The following TRPS1 variants were observed in gnomAD, a reference collection of about 807,000 sequenced individuals.
TRPS1 encodes transcriptional repressor GATA binding 1.
A neutral mutation model predicts 101.2 loss-of-function variants in TRPS1; 6 were observed. That is an observed-to-expected ratio of 0.06 (90% CI 0.03 to 0.12). The LOEUF (loss-of-function observed/expected upper bound fraction) is 0.12, where lower values mean the gene tolerates loss of function less well. Among genes scored for constraint, TRPS1 ranks in the 10% least tolerant of loss-of-function variants. The pLI, the probability that TRPS1 is intolerant of heterozygous loss-of-function variation, is 1.00. For synonymous variants in TRPS1, 578 were observed against 589.8 expected (o/e 0.98, Z 0.29); for missense variants, 1,363 against 1,567.0 (o/e 0.87, Z 2.20).
intron 3 of TRPS1, among the ~76,000 whole-genome samples, chr8:115,612,178 G>C (rs1818185069): frequency 6.6e-6 from 1 of 150,668 alleles, no homozygotes; most frequent in Non-Finnish European, 1.5e-5. Context: ...AAGAGAGGAG[G>C]AAGAAGAAGG....
In TRPS1 at chr8:115,495,180, C is replaced by T. The variant is rs561541094; in HGVS notation, c.2701-76728G>A. On this transcript the variant is annotated intron_variant, in intron 5 of 6. Coordinates refer to ENST00000395715, the MANE Select transcript of TRPS1 (RefSeq NM_014112.5). ...AAGGAAGCAAAATAAACAGAAGTAG[C>T]GGTAGAACAAAATCTTTAAAGCTAA... Among the ~76,000 whole-genome samples, 8 of 152,188 alleles carry T rather than the reference C, an allele frequency of 5.3e-5. No homozygotes were observed. The South Asian group carries it at 1.0e-3, about 20-fold the overall frequency.
intron 5 of TRPS1, among the ~76,000 whole-genome samples, chr8:115,548,065 A>C (rs1412847516): frequency 6.7e-6 from 1 of 150,318 alleles, no homozygotes; most frequent in Non-Finnish European, 1.5e-5. Context: ...CACCATCTCT[A>C]CATAAAAAAA....
chr8:115,635,894 G>A (rs1282337567), intron 1 of TRPS1, among the ~76,000 whole-genome samples: 1 of 152,142 alleles, frequency 6.6e-6, no homozygotes, highest in Non-Finnish European at 1.5e-5. Flanking sequence ...GAAAACATTA[G>A]ATAATAATGT....
In TRPS1 at chr8:115,530,134, G is replaced by A. The variant is rs781149401; in HGVS notation, c.2700+56867C>T. Among the ~76,000 whole-genome samples the A allele has an allele frequency of 2.3e-4, 35 of 151,968 alleles. 1 individual carries two copies. Among genetic ancestry groups the A allele is most frequent in the Non-Finnish European group, 2.8e-4 (19 of 67,980 alleles). ...TTCTAATAAATCTCATAAACTGACC[G>A]TGTTGTGTCATTATTCTTTGAAGGC... On this transcript the variant is annotated intron_variant, in intron 5 of 6. Coordinates refer to ENST00000395715, the MANE Select transcript of TRPS1 (RefSeq NM_014112.5).
rs1812726324 is a variant in TRPS1 at position 115,409,246 on chromosome 8, C to T, written c.*4777G>A. ...CACAAAAAGAAAAAGTGATATGCTG[C>T]AGTTTATATGTTGGGAAAAAAAAAA... is the stretch of plus-strand genomic sequence containing the variant. On this transcript the variant is annotated 3_prime_UTR_variant, in exon 7 of 7. Coordinates refer to ENST00000395715, the MANE Select transcript of TRPS1 (RefSeq NM_014112.5). 1.3e-5 allele frequency: 1 copy of T among 78,436 alleles called. No individual in the cohort carries two copies. The highest frequency in any genetic ancestry group is 5.6e-5 in the African/African-American group (1 of 17,964). 4.9% of individuals were successfully genotyped at this position (78,436 alleles called of 1,614,324 possible).
chr8:115,509,946 A>G (rs1044288458), intron 5 of TRPS1, among the ~76,000 whole-genome samples: 4 of 152,096 alleles, frequency 2.6e-5, no homozygotes, highest in Admixed American at 2.6e-4. Flanking sequence ...TTTCCTGCCA[A>G]TATTGCAGTA....
At chr8:115,424,225 T>C (rs1813137155) in intron 5 of TRPS1, among the ~76,000 whole-genome samples, 1 of 152,226 alleles carries the variant, frequency 6.6e-6, no homozygotes, top group Non-Finnish European at 1.5e-5. Context: ...TTATATAATG[T>C]TAGTATGAAT....
chr8:115,456,016 C>T (rs190920739), intron 5 of TRPS1, among the ~76,000 whole-genome samples: 3 of 151,972 alleles, frequency 2.0e-5, no homozygotes, highest in Non-Finnish European at 2.9e-5. Flanking sequence ...GATCTCCTGA[C>T]CTCATGATCC....
At chr8:115,453,089 T>A (rs945219535) in intron 5 of TRPS1, among the ~76,000 whole-genome samples, 10 of 151,972 alleles carry the variant, frequency 6.6e-5, no homozygotes, top group Non-Finnish European at 1.3e-4. Flanking sequence ...TGGCGCGATC[T>A]CGGCTCACTG....
intron 5 of TRPS1, among the ~76,000 whole-genome samples, chr8:115,581,371 T>C (rs4599845): frequency 0.58 from 88,653 of 151,866 alleles, 26,332 homozygotes; most frequent in East Asian, 0.83. Flanking sequence ...TACTTAACAG[T>C]AGTATGTAGT....
At chr8:115,514,165 A>G (rs554236861) in intron 5 of TRPS1, among the ~76,000 whole-genome samples, 2 of 151,656 alleles carry the variant, frequency 1.3e-5, no homozygotes, top group Admixed American at 6.6e-5. Flanking sequence ...TCTCTAAGAT[A>G]CTCTCTTGTT....
intron 5 of TRPS1, among the ~76,000 whole-genome samples, chr8:115,542,816 T>C (rs1816484946): frequency 6.6e-6 from 1 of 152,172 alleles, no homozygotes; most frequent in Admixed American, 6.6e-5. Flanking sequence ...CTAACTATTA[T>C]TATTATGAGA....
At chr8:115,620,434 A>G (rs1426266007) in intron 2 of TRPS1, among the ~76,000 whole-genome samples, 1 of 151,962 alleles carries the variant, frequency 6.6e-6, no homozygotes, top group Non-Finnish European at 1.5e-5. Context: ...ATATTTATAT[A>G]TGGTCTATAT....
intron 5 of TRPS1, among the ~76,000 whole-genome samples, chr8:115,515,565 T>C (rs535538740): frequency 7.7e-6 from 1 of 130,138 alleles, no homozygotes; most frequent in South Asian, 2.7e-4. Flanking sequence ...TGACTAAGTA[T>C]TTCATGTTGA....
At chr8:115,601,093 C>T (rs1262191774) in intron 4 of TRPS1, among the ~76,000 whole-genome samples, 3 of 152,100 alleles carry the variant, frequency 2.0e-5, no homozygotes, top group Non-Finnish European at 2.9e-5. Context: ...AACTCTTCTG[C>T]TTCTCAGCTA....
chr8:115,500,160 G>A (rs564708408), intron 5 of TRPS1, among the ~76,000 whole-genome samples: 6 of 151,892 alleles, frequency 4.0e-5, no homozygotes, highest in Non-Finnish European at 8.8e-5. Context: ...CTCCCAAGTA[G>A]CTGGGATTAT....
chr8:115,667,392 G>A (rs1811948308), intron 1 of TRPS1, among the ~76,000 whole-genome samples: 1 of 152,160 alleles, frequency 6.6e-6, no homozygotes, highest in South Asian at 2.1e-4. Flanking sequence ...GGAGTTATTT[G>A]GAGGGACAGC....
intron 5 of TRPS1, among the ~76,000 whole-genome samples, chr8:115,485,199 C>T (rs1271667718): frequency 2.0e-5 from 3 of 152,208 alleles, no homozygotes; most frequent in Non-Finnish European, 4.4e-5. Context: ...AAGCACACAT[C>T]TATGAGGGCC....
At chr8:115,419,001 T>G (rs1812988595) in intron 5 of TRPS1, among the ~76,000 whole-genome samples, 1 of 152,304 alleles carries the variant, frequency 6.6e-6, no homozygotes, top group Non-Finnish European at 1.5e-5. Context: ...TCTGAAAGAT[T>G]CCTCTATTCC....
Sources: gnomAD v4.1 joint callset for allele counts (sites outside exome capture counted in the v4.1 genomes callset) on GRCh38, gnomAD v4.1.1 for gene constraint, MANE v1.5 for transcripts, NCBI Gene and HGNC (gene_info 2026-07-23, HGNC 2026-07-21) for gene names.